ECHDC3: variants seen among roughly 807,000 people sequenced by gnomAD.
ECHDC3 encodes enoyl-CoA hydratase domain containing 3.
ECHDC3 carries 20 observed loss-of-function variants against 17.9 expected under a neutral mutation model. The ratio of observed to expected loss-of-function variants is 1.12; its 90% CI spans 0.79 to 1.63. The LOEUF is 1.63. ECHDC3 is among the 40% of genes most tolerant of loss of function. The probability of loss-of-function intolerance (pLI) is 0.00; values close to 1 mark genes in which losing one functional copy is unlikely to be tolerated. For synonymous variants in ECHDC3, 177 were observed against 149.7 expected, an observed-to-expected ratio of 1.18 and a Z score of -1.33; for missense variants, 407 against 357.7, an observed-to-expected ratio of 1.14 and a Z score of -1.11.
At chr10:11,742,786 A>T in intron 1 of ECHDC3, 40 bp downstream of exon 1, 1 of 1,223,960 alleles carries the variant, frequency 8.2e-7, no homozygotes, top group Non-Finnish European at 1.0e-6. Flanking sequence ...GTTGGTGCCG[A>T]GTCGGGGTCA....
chr10:11,744,387 T>C (rs1417057150), intron 1 of ECHDC3, among the ~76,000 whole-genome samples: 1 of 152,166 alleles, frequency 6.6e-6, no homozygotes, highest in Non-Finnish European at 1.5e-5. Flanking sequence ...TGTGAAAAAA[T>C]AGAAATGCTA....
Position 11,763,481 on chromosome 10 carries a change from G to C in ECHDC3, c.849G>C (p.Gly283=). The change falls in exon 5 of 5, where the codon GGG becomes GGC. Residue 283 remains glycine (G), a synonymous_variant. Coordinates refer to ENST00000379215, the MANE Select transcript of ECHDC3 (RefSeq NM_024693.5). The surrounding 1 kb of genome is among the most constrained non-coding windows in gnomAD (Gnocchi z 4.9). ...TGGACAACCTGGCCCTGCGGGACGG[G>C]CAGGAGGGCATCACGGCCTTCCTCC... is the stretch of plus-strand genomic sequence containing the variant. The part of the protein sequence containing the change: ...AMVDNLALRD[G]QEGITAFLQK... 8.7e-7 allele frequency: 1 copy of C among 1,150,038 alleles called. No homozygotes were observed. The highest frequency in any genetic ancestry group is 1.3e-6 in the Non-Finnish European group (1 of 770,952). The allele number at this position is 1,150,038 out of a possible 1,614,324, so 71.2% of individuals were successfully genotyped here. A position where few individuals can be genotyped will look rare whatever the true frequency, so the allele number is the denominator to read the frequency against.
At chr10:11,752,082 T>A (rs538068737) in intron 3 of ECHDC3, 4 of 152,204 alleles carry the variant, frequency 2.6e-5, no homozygotes, top group African/African-American at 7.2e-5. Flanking sequence ...TTGTCTTTTT[T>A]GAACTTCTCT....
At chr10:11,749,638 T>A in intron 3 of ECHDC3, 46 bp downstream of exon 3, 1 of 1,581,680 alleles carries the variant, frequency 6.3e-7, no homozygotes, top group Non-Finnish European at 8.7e-7. Context: ...AAATGATCAT[T>A]ACATTAAATG....
intron 4 of ECHDC3, among the ~76,000 whole-genome samples, chr10:11,760,217 G>C (rs113165185): frequency 2.0e-5 from 3 of 152,168 alleles, no homozygotes; most frequent in Non-Finnish European, 4.4e-5. Flanking sequence ...GTACCCGAGC[G>C]TGCTGGCTGC....
In ECHDC3 at chr10:11,742,629, TC is replaced by T. The variant is rs1378542069; in HGVS notation, c.55del (p.Arg19GlyfsTer38). On this transcript the variant is annotated frameshift_variant, in exon 1 of 5. Coordinates refer to ENST00000379215, the MANE Select transcript of ECHDC3 (RefSeq NM_024693.5). LOFTEE classifies it high-confidence loss of function. ...TTCGGGGCAAGTGGGCCCATGTGTC[TC>T]CGGCGCGGCCCCTGGGCCCAGCTCC... ...RAFGASGPMC[L>X]RRGPWAQLPA... 7.8e-7 allele frequency: 1 copy of T among 1,281,120 alleles called. No individual in the cohort carries two copies. The highest frequency in any genetic ancestry group is 2.5e-5 in the South Asian group (1 of 39,446). The allele number at this position is 1,281,120 out of a possible 1,614,324, so 79.4% of individuals were successfully genotyped here. A position where few individuals can be genotyped will look rare whatever the true frequency, so the allele number is the denominator to read the frequency against.
At chr10:11,761,553 C>G (rs1181624825) in intron 4 of ECHDC3, among the ~76,000 whole-genome samples, 1 of 152,246 alleles carries the variant, frequency 6.6e-6, no homozygotes, top group Non-Finnish European at 1.5e-5. Flanking sequence ...AGGAAGGCTT[C>G]TCTCTGCTCC....
intron 2 of ECHDC3, among the ~76,000 whole-genome samples, chr10:11,749,281 C>T (rs1832797270): frequency 6.6e-6 from 1 of 152,182 alleles, no homozygotes. Context: ...GACACGGAGG[C>T]ACCTAAAAAA....
chr10:11,755,736 C>CA, intron 4 of ECHDC3, 128 bp downstream of exon 4: 2 of 913,576 alleles, frequency 2.2e-6, no homozygotes, highest in Non-Finnish European at 3.3e-6. Context: ...GCCCAGAGTG[C>CA]CTCTGGCTAG....
intron 4 of ECHDC3, among the ~76,000 whole-genome samples, chr10:11,756,376 T>C (rs1832886697): frequency 6.6e-6 from 1 of 152,222 alleles, no homozygotes; most frequent in African/African-American, 2.4e-5. Context: ...GGGCAGAATC[T>C]TAGACCACAC....
chr10:11,758,488 T>C (rs1363037541), intron 4 of ECHDC3, among the ~76,000 whole-genome samples: 1 of 152,202 alleles, frequency 6.6e-6, no homozygotes, highest in Non-Finnish European at 1.5e-5. Context: ...GCTGGAAAGA[T>C]GGTTAAAGCC....
Position 11,742,469 on chromosome 10 carries a change from T to G in ECHDC3, c.-108T>G. The G allele has an allele frequency of 1.1e-5, 12 of 1,110,028 alleles. No homozygotes were observed. The highest frequency in any genetic ancestry group is 3.3e-5 in the African/African-American group (2 of 61,408). 68.8% of individuals were successfully genotyped at this position (1,110,028 alleles called of 1,614,324 possible). On this transcript the variant is annotated 5_prime_UTR_variant, in exon 1 of 5. Transcript: ENST00000379215. ...GTCCGGGTCTCGGCCACCGTCGAGT[T>G]CCGTCGAGTTCCGTCCCGGCCCTGC...
At position 11,755,594 on chromosome 10, in the gene ECHDC3, G is replaced by A. The variant is rs764720626; in HGVS notation, c.577G>A (p.Ala193Thr). 4.3e-6 allele frequency: 7 copies of A among 1,612,708 alleles called. No homozygotes were observed. Among genetic ancestry groups the A allele is most frequent in the Non-Finnish European group, 5.1e-6 (6 of 1,179,528 alleles). Residue 193 changes from alanine to threonine, a missense_variant, in exon 4 of 5, where the codon GCA becomes ACA. Ala to Thr is a moderately conservative substitution (Grantham distance 58, BLOSUM62 0). Coordinates refer to ENST00000379215, the MANE Select transcript of ECHDC3 (RefSeq NM_024693.5). The stretch of plus-strand genomic sequence containing the variant: ...TACCCCTGGGGTTGCCTTGGCAAGA[G>A]CAGTGCCTAGAAAGGTAATTTAACT... ...CSTPGVALARAVPRKVALEML... is the reference protein window; with the variant it reads ...CSTPGVALARTVPRKVALEML...
intron 4 of ECHDC3, among the ~76,000 whole-genome samples, chr10:11,757,976 T>C (rs1395425043): frequency 6.6e-6 from 1 of 152,002 alleles, no homozygotes; most frequent in African/African-American, 2.4e-5. Flanking sequence ...ACCGAGTATT[T>C]TGGGGGGTGG....
At chr10:11,760,668 C>G (rs1442206195) in intron 4 of ECHDC3, among the ~76,000 whole-genome samples, 2 of 152,198 alleles carry the variant, frequency 1.3e-5, no homozygotes, top group Non-Finnish European at 2.9e-5. Flanking sequence ...CAAGAGCCGC[C>G]TGTGTCAGTG....
intron 1 of ECHDC3, among the ~76,000 whole-genome samples, chr10:11,743,780 A>C (rs926176272): frequency 6.6e-6 from 1 of 152,186 alleles, no homozygotes; most frequent in Non-Finnish European, 1.5e-5. Context: ...TTTCTTGCCC[A>C]TTGCTAAGTT....
At position 11,763,124 on chromosome 10, in the gene ECHDC3, G is replaced by A. The variant is rs553477882; in HGVS notation, c.592-100G>A. 2.2e-4 allele frequency: 137 copies of A among 631,184 alleles called. 1 individual carries two copies. In the African/African-American group the frequency reaches 2.2e-3, roughly 10 times the overall value. The allele number at this position is 631,184 out of a possible 1,614,324, so 39.1% of individuals were successfully genotyped here. On this transcript the variant is annotated intron_variant, in intron 4 of 4. Coordinates refer to ENST00000379215, the MANE Select transcript of ECHDC3 (RefSeq NM_024693.5). The surrounding 1 kb of genome is among the most constrained non-coding windows in gnomAD (Gnocchi z 4.9). ...GAAGACGTCAGGGCTGGCGGATGAC[G>A]TGGTATTTGAGGAAGCAGGTCATTG... is the stretch of plus-strand genomic sequence containing the variant.
intron 3 of ECHDC3, among the ~76,000 whole-genome samples, chr10:11,752,831 G>A (rs1287196368): frequency 6.6e-6 from 1 of 152,202 alleles, no homozygotes; most frequent in Non-Finnish European, 1.5e-5. Flanking sequence ...AACCCTGGCA[G>A]CCTGGTTCCA....
chr10:11,746,504 C>T (rs1832762317), intron 1 of ECHDC3, among the ~76,000 whole-genome samples: 2 of 152,018 alleles, frequency 1.3e-5, no homozygotes, highest in Non-Finnish European at 2.9e-5. Context: ...CTTTGTCATC[C>T]ACAAAGGATA....
Sources: gnomAD v4.1 joint callset for allele counts (sites outside exome capture counted in the v4.1 genomes callset) on GRCh38, gnomAD v4.1.1 for gene constraint, Gnocchi (gnomAD v3.1) non-coding constraint, MANE v1.5 for transcripts, NCBI Gene and HGNC (gene_info 2026-07-23, HGNC 2026-07-21) for gene names.